EXOC4: variants seen among roughly 807,000 people sequenced by gnomAD.
The protein encoded by EXOC4 is exocyst complex component 4.
EXOC4 carries 71 observed loss-of-function variants against 107.2 expected under a neutral mutation model. The ratio of observed to expected loss-of-function variants is 0.66; its 90% CI spans 0.55 to 0.81. The LOEUF (loss-of-function observed/expected upper bound fraction) is 0.81. Among genes scored for constraint, EXOC4 ranks in the 30% least tolerant of loss-of-function variants. The pLI, the probability that EXOC4 is intolerant of heterozygous loss-of-function variation, is 0.00. For synonymous variants in EXOC4, 456 were observed against 441.2 expected (o/e 1.03, Z -0.42); for missense variants, 1,108 against 1,189.6 (o/e 0.93, Z 1.01).
intron 17 of EXOC4, among the ~76,000 whole-genome samples, chr7:134,057,137 T>C (rs1285233948): frequency 6.6e-6 from 1 of 151,922 alleles, no homozygotes; most frequent in African/African-American, 2.4e-5. Flanking sequence ...TGACAAAGGG[T>C]AGGTGCGTGC....
chr7:133,965,698 A>G (rs532492420), intron 14 of EXOC4, among the ~76,000 whole-genome samples: 11 of 152,262 alleles, frequency 7.2e-5, no homozygotes, highest in Non-Finnish European at 1.0e-4. Flanking sequence ...CTGTTTTGGT[A>G]TCGGTACCAT....
At chr7:134,067,981 G>T (rs575374405), downstream of EXOC4, among the ~76,000 whole-genome samples, 2 of 152,224 alleles carry the variant, frequency 1.3e-5, no homozygotes, top group East Asian at 1.9e-4. Flanking sequence ...GACAAGGATT[G>T]GTTCCTCAGG....
intron 9 of EXOC4, among the ~76,000 whole-genome samples, chr7:133,582,045 G>A (rs1172490212): frequency 1.3e-5 from 2 of 151,980 alleles, no homozygotes. Context: ...CCCCTACCAG[G>A]CCCCTCCCCT....
chr7:133,263,156 C>G (rs1210302597), intron 1 of EXOC4, among the ~76,000 whole-genome samples: 2 of 152,148 alleles, frequency 1.3e-5, no homozygotes, highest in African/African-American at 4.8e-5. Context: ...TTATAAATTA[C>G]CTAGTCTCAG....
chr7:133,418,157 C>A (rs190594700), intron 7 of EXOC4, among the ~76,000 whole-genome samples: 15 of 152,280 alleles, frequency 9.9e-5, no homozygotes, highest in African/African-American at 3.6e-4. Context: ...TGATTCCTTT[C>A]TTTGTTCCGT....
At chr7:133,853,777 G>C (rs1021296171) in intron 11 of EXOC4, among the ~76,000 whole-genome samples, 2 of 152,076 alleles carry the variant, frequency 1.3e-5, no homozygotes, top group Admixed American at 1.3e-4. Context: ...TGTCTCTATA[G>C]TGATCCTATT....
chr7:133,695,180 AT>A (rs67392433), intron 10 of EXOC4, among the ~76,000 whole-genome samples: 133,517 of 149,006 alleles, frequency 0.9, 59,816 homozygotes, highest in East Asian at 0.99. Flanking sequence ...CATGAGATTC[AT>A]TTTTTTTTTT....
intron 7 of EXOC4, among the ~76,000 whole-genome samples, chr7:133,424,445 C>T (rs1017478076): frequency 2.2e-4 from 34 of 151,990 alleles, no homozygotes; most frequent in Non-Finnish European, 8.8e-5. Context: ...CAAGAAACTC[C>T]GGACACATCT....
At chr7:133,568,875 A>G (rs1379905132) in intron 9 of EXOC4, among the ~76,000 whole-genome samples, 1 of 152,172 alleles carries the variant, frequency 6.6e-6, no homozygotes, top group African/African-American at 2.4e-5. Flanking sequence ...ATGAAACTGA[A>G]GGATTTATTT....
At chr7:133,898,646 T>C (rs540229915) in intron 12 of EXOC4, among the ~76,000 whole-genome samples, 2 of 147,212 alleles carry the variant, frequency 1.4e-5, no homozygotes, top group African/African-American at 2.5e-5. Context: ...CTCGGGAGGC[T>C]GAGGCAGGAG....
chr7:133,460,658 T>G (rs1798569868), intron 7 of EXOC4, among the ~76,000 whole-genome samples: 1 of 152,020 alleles, frequency 6.6e-6, no homozygotes, highest in African/African-American at 2.4e-5. Context: ...TATTTTTCAT[T>G]AGTTTAGTAG....
chr7:133,896,912 C>G lies in EXOC4; in HGVS notation c.1871+1177C>G, dbSNP rs541474156. Among the ~76,000 whole-genome samples the G allele has an allele frequency of 1.3e-4, 14 of 107,314 alleles. 4 individuals are homozygous for G. In the East Asian group the frequency reaches 3.2e-3, roughly 25 times the overall value. The allele number at this position is 107,314 out of a possible 152,430, so 70.4% of individuals were successfully genotyped here. ...ATTCCTAACCTCATGATCCGCCCAC[C>G]TCGGTCTCCCAAAGTGCTGGGATTA... On this transcript the variant is annotated intron_variant, in intron 12 of 17. Transcript: ENST00000253861.
intron 9 of EXOC4, among the ~76,000 whole-genome samples, chr7:133,501,103 C>A (rs1225028563): frequency 2.6e-5 from 4 of 152,062 alleles, no homozygotes; most frequent in African/African-American, 7.2e-5. Context: ...TATAATTATT[C>A]ATTAAAAATA....
intron 10 of EXOC4, among the ~76,000 whole-genome samples, chr7:133,640,867 TCTCTC>T (rs1233595891): frequency 4.8e-5 from 5 of 104,356 alleles, no homozygotes; most frequent in Non-Finnish European, 1.1e-4. Context: ...ATTCTCTCTC[TCTCTC>T]TTTTTTTTTT....
At chr7:133,915,693 G>A (rs1471442280) in intron 12 of EXOC4, among the ~76,000 whole-genome samples, 3 of 152,134 alleles carry the variant, frequency 2.0e-5, no homozygotes, top group Non-Finnish European at 2.9e-5. Context: ...GTATAAGATT[G>A]TAAAAGTTAG....
intron 3 of EXOC4, among the ~76,000 whole-genome samples, chr7:133,303,620 G>C (rs2150565140): frequency 6.6e-6 from 1 of 152,206 alleles, no homozygotes; most frequent in African/African-American, 2.4e-5. Flanking sequence ...ATAAGTGAAG[G>C]CCAGAAAATA....
At chr7:133,412,925 T>C (rs1797396168) in intron 7 of EXOC4, among the ~76,000 whole-genome samples, 1 of 152,104 alleles carries the variant, frequency 6.6e-6, no homozygotes, top group South Asian at 2.1e-4. Flanking sequence ...TGTATCTTTC[T>C]TAGAGGTGCT....
At chr7:133,431,518 A>G (rs1270116970) in intron 7 of EXOC4, among the ~76,000 whole-genome samples, 1 of 152,226 alleles carries the variant, frequency 6.6e-6, no homozygotes, top group Non-Finnish European at 1.5e-5. Flanking sequence ...GAGACAGGTT[A>G]GTACAGGTTT....
downstream of EXOC4, among the ~76,000 whole-genome samples, chr7:134,069,173 A>T (rs10242644): frequency 2.0e-5 from 3 of 151,962 alleles, no homozygotes; most frequent in East Asian, 3.9e-4. Context: ...GTGCCCCACT[A>T]GCTAGCACAC....
Sources: allele counts gnomAD v4.1 joint callset (sites outside exome capture counted in the v4.1 genomes callset), GRCh38; gene constraint gnomAD v4.1.1; transcripts MANE v1.5; gene names NCBI Gene and HGNC (gene_info 2026-07-23, HGNC 2026-07-21).